Variants in NOCT observed in about 807,000 individuals in gnomAD.
NOCT encodes nocturnin, also known as CCR4 carbon catabolite repression 4-like.
In NOCT, 18 loss-of-function variants were observed where a neutral mutation model predicts 35.0. The observed-to-expected ratio is 0.51, with a 90% confidence interval of 0.36 to 0.76. The LOEUF (loss-of-function observed/expected upper bound fraction) is 0.76, where lower values mean the gene tolerates loss of function less well. Ranked by LOEUF, NOCT falls within the 30% of genes least tolerant of loss-of-function variation. NOCT has a pLI of 0.01. For missense variants in NOCT, 479 were observed against 541.0 expected (o/e 0.89, Z 1.14); for synonymous variants, 235 against 226.3 (o/e 1.04, Z -0.34).
intron 1 of NOCT, among the ~76,000 whole-genome samples, chr4:139,031,826 C>T (rs1455869261): frequency 1.3e-5 from 2 of 151,738 alleles, no homozygotes; most frequent in African/African-American, 4.8e-5. Flanking sequence ...GATTCTCCTG[C>T]CTCAGCCTCC....
In NOCT at chr4:139,043,057, G is replaced by A. The variant is rs1458899394; in HGVS notation, c.191-17G>A. ...GAAAAGGAGCTGAGTGTGTAACTGT[G>A]ATTTCCTTTTCCGTAGTGTGTTCCA... On this transcript the variant is annotated splice_polypyrimidine_tract_variant and intron_variant, in intron 1 of 2. Transcript: ENST00000280614. 3 of 1,577,798 alleles carry A rather than the reference G, an allele frequency of 1.9e-6. No individual in the cohort carries two copies. Among genetic ancestry groups the A allele is most frequent in the Admixed American group, 3.5e-5 (2 of 57,760 alleles).
chr4:139,024,416 C>A (rs1005235224), intron 1 of NOCT, among the ~76,000 whole-genome samples: 2 of 152,082 alleles, frequency 1.3e-5, no homozygotes, highest in Non-Finnish European at 2.9e-5. Context: ...AATTTTTGTT[C>A]TGCAGTCATT....
chr4:139,016,609 C>CGTG (rs1011291024), intron 1 of NOCT, among the ~76,000 whole-genome samples: 2 of 119,498 alleles, frequency 1.7e-5, no homozygotes, highest in African/African-American at 6.4e-5. Context: ...TTTTTTAAGT[C>CGTG]GTGATAATAA....
intron 1 of NOCT, among the ~76,000 whole-genome samples, chr4:139,027,766 G>A (rs1305374697): frequency 1.3e-5 from 2 of 152,172 alleles, no homozygotes; most frequent in Non-Finnish European, 2.9e-5. Context: ...CCAAAGTGCT[G>A]GGATTACAGG....
intron 1 of NOCT, among the ~76,000 whole-genome samples, chr4:139,022,205 TTTTA>T (rs1158127879): frequency 6.6e-6 from 1 of 152,206 alleles, no homozygotes; most frequent in Admixed American, 6.5e-5. Flanking sequence ...CTAAGATACT[TTTTA>T]TTTATTGTTA....
chr4:139,040,828 C>G (rs555009231), intron 1 of NOCT, among the ~76,000 whole-genome samples: 1 of 152,074 alleles, frequency 6.6e-6, no homozygotes, highest in East Asian at 1.9e-4. Flanking sequence ...CCAGGTGATG[C>G]TGATATTGCT....
chr4:139,019,049 AATTTTT>A (rs1250811110), intron 1 of NOCT, among the ~76,000 whole-genome samples: 2 of 152,068 alleles, frequency 1.3e-5, no homozygotes, highest in Non-Finnish European at 2.9e-5. Context: ...TTTTAATTTT[AATTTTT>A]ATTTTTATTT....
intron 1 of NOCT, among the ~76,000 whole-genome samples, chr4:139,016,688 G>A (rs1726313297): frequency 9.7e-6 from 1 of 103,278 alleles, no homozygotes; most frequent in Non-Finnish European, 1.7e-5. Context: ...GAGTCTCACT[G>A]TGTCACCCAG....
intron 1 of NOCT, among the ~76,000 whole-genome samples, chr4:139,040,489 A>AC (rs1167696879): frequency 6.6e-6 from 1 of 152,180 alleles, no homozygotes; most frequent in African/African-American, 2.4e-5. Flanking sequence ...AATTTTTAGA[A>AC]GGAAGTGTGG....
rs765412497 is a variant in NOCT, at chr4:139,045,089, T to A, written c.911T>A (p.Leu304His). Reference sequence around the variant, plus strand: ...TTTCGATCAGCTCAAGGCTGTGACCTCCTTCAGAACCTGCAAAACATCACC... The same window carrying A: ...TTTCGATCAGCTCAAGGCTGTGACCACCTTCAGAACCTGCAAAACATCACC... ...ERFRSAQGCDLLQNLQNITQG... is the reference protein window; with the variant it reads ...ERFRSAQGCDHLQNLQNITQG... Residue 304 changes from leucine (L) to histidine (H), a missense_variant, in exon 3 of 3, where the codon CTC (leucine) becomes CAC (histidine). By Grantham distance (99) the Leu-to-His change is moderately conservative (BLOSUM62 -3). Transcript: ENST00000280614. 1 of 1,614,130 alleles carries A rather than the reference T, an allele frequency of 6.2e-7. No individual in the cohort carries two copies. Among genetic ancestry groups the A allele is most frequent in the South Asian group, 1.1e-5 (1 of 91,080 alleles).
At chr4:139,031,706 T>C (rs1726627663) in intron 1 of NOCT, among the ~76,000 whole-genome samples, 1 of 152,012 alleles carries the variant, frequency 6.6e-6, no homozygotes, top group African/African-American at 2.4e-5. Flanking sequence ...TTAGCCCACT[T>C]GTGGGTTTTG....
intron 1 of NOCT, among the ~76,000 whole-genome samples, chr4:139,021,143 T>C (rs571181892): frequency 1.4e-3 from 207 of 151,276 alleles, no homozygotes; most frequent in African/African-American, 4.7e-3. Context: ...AGAAAGAACA[T>C]TGACCCCCGA....
chr4:139,036,537 C>T (rs1043248080), intron 1 of NOCT, among the ~76,000 whole-genome samples: 10 of 152,124 alleles, frequency 6.6e-5, no homozygotes, highest in African/African-American at 2.2e-4. Context: ...CCTATTTTTT[C>T]GAAGTCCTTT....
At chr4:139,033,487 A>G (rs1726664332) in intron 1 of NOCT, among the ~76,000 whole-genome samples, 1 of 152,128 alleles carries the variant, frequency 6.6e-6, no homozygotes, top group South Asian at 2.1e-4. Context: ...CCTGGAAACA[A>G]AGTGAGACCC....
Position 139,015,867 on chromosome 4 carries a change from G to A in NOCT, c.-115G>A. The A allele has an allele frequency of 7.3e-6, 6 of 827,166 alleles. No homozygotes were observed. In the South Asian group the frequency reaches 2.2e-4, roughly 30 times the overall value. The allele number at this position is 827,166 out of a possible 1,614,324, so 51.2% of individuals were successfully genotyped here. ...CAGAACCTGCGCCGCGCGAGAAGGA[G>A]CCTGGGAGCATCCGCCCACACTGCC... On this transcript the variant is annotated 5_prime_UTR_variant, in exon 1 of 3. Transcript: ENST00000280614.
At chr4:139,034,665 G>A (rs1171906842) in intron 1 of NOCT, among the ~76,000 whole-genome samples, 2 of 151,982 alleles carry the variant, frequency 1.3e-5, no homozygotes, top group Non-Finnish European at 2.9e-5. Context: ...TCAAACACCT[G>A]GGCTCAAGTG....
At position 139,015,902 on chromosome 4, in the gene NOCT, G is replaced by C; in HGVS notation, c.-80G>C. 2 of 1,148,796 alleles carry C rather than the reference G, an allele frequency of 1.7e-6. No homozygotes were observed. The highest frequency in any genetic ancestry group is 2.6e-5 in the South Asian group (1 of 38,468). The allele number at this position is 1,148,796 out of a possible 1,614,324, so 71.2% of individuals were successfully genotyped here. ...ATCCGCCCACACTGCCCGGACAGTCGGCTCGACTCGGTGCCCTCGGCCCCA... is the reference window on the plus strand; with the variant it reads ...ATCCGCCCACACTGCCCGGACAGTCCGCTCGACTCGGTGCCCTCGGCCCCA... On this transcript the variant is annotated 5_prime_UTR_variant, in exon 1 of 3. Coordinates refer to ENST00000280614, the MANE Select transcript of NOCT (RefSeq NM_012118.4).
intron 1 of NOCT, among the ~76,000 whole-genome samples, chr4:139,017,411 A>G (rs1306166764): frequency 6.6e-6 from 1 of 151,402 alleles, no homozygotes; most frequent in Non-Finnish European, 1.5e-5. Flanking sequence ...TATTTTTAGT[A>G]GAGATGGGGT....
chr4:139,026,862 CTTTTTTTTTTTT>C (rs1165378672), intron 1 of NOCT, among the ~76,000 whole-genome samples: 5 of 120,332 alleles, frequency 4.2e-5, no homozygotes, highest in African/African-American at 1.4e-4. Context: ...TTTTTTTTTT[CTTTTTTTTTTTT>C]TTTTTTTTTT....
Sources: allele counts gnomAD v4.1 joint callset (sites outside exome capture counted in the v4.1 genomes callset), GRCh38; gene constraint gnomAD v4.1.1; transcripts MANE v1.5; gene names NCBI Gene and HGNC (gene_info 2026-07-23, HGNC 2026-07-21).